Variants in IGFL2 observed in about 807,000 individuals in gnomAD.
IGFL2 encodes the protein insulin growth factor-like family member 2.
Under a neutral mutation model 13.9 loss-of-function variants are expected in IGFL2, and 7 were observed. The ratio of observed to expected loss-of-function variants is 0.51; its 90% CI spans 0.29 to 0.95. The LOEUF (loss-of-function observed/expected upper bound fraction) is 0.95, where lower values mean the gene tolerates loss of function less well. IGFL2 is among the 40% of genes least tolerant of loss of function. IGFL2 has a pLI of 0.08. For missense variants in IGFL2, 138 were observed against 147.8 expected, an observed-to-expected ratio of 0.93 and a Z score of 0.34; for synonymous variants, 55 against 55.8, an observed-to-expected ratio of 0.99 and a Z score of 0.07.
chr19:46,145,977 T>C (rs1052589774), upstream of IGFL2, among the ~76,000 whole-genome samples: 1 of 152,206 alleles, frequency 6.6e-6, no homozygotes, highest in East Asian at 1.9e-4. Flanking sequence ...CAAGTTTAAC[T>C]TTAAAATTTT....
chr19:46,103,910 A>G, the IGFL2 span, among the ~76,000 whole-genome samples: 1 of 152,174 alleles, frequency 6.6e-6, no homozygotes, highest in African/African-American at 2.4e-5. Context: ...TCTGACAGAC[A>G]AAGCTTTATT....
chr19:46,101,070 A>G, the IGFL2 span: 1 of 152,510 alleles, frequency 6.6e-6, no homozygotes, highest in African/African-American at 2.4e-5. Flanking sequence ...AAGCTGGAGA[A>G]CAGCAAAGAT....
intron 1 of IGFL2, among the ~76,000 whole-genome samples, chr19:46,149,250 C>G (rs928803811): frequency 4.7e-5 from 7 of 147,766 alleles, no homozygotes; most frequent in African/African-American, 1.8e-4. Context: ...CTCTCTCTCT[C>G]TTTCTCTTTC....
the IGFL2 span, among the ~76,000 whole-genome samples, chr19:46,125,365 T>C: frequency 1.3e-5 from 2 of 152,190 alleles, no homozygotes; most frequent in African/African-American, 4.8e-5. Flanking sequence ...ATTATATTAG[T>C]GGCCAATGAT....
chr19:46,181,871 T>C, the IGFL2 span, among the ~76,000 whole-genome samples: 1 of 152,224 alleles, frequency 6.6e-6, no homozygotes, highest in South Asian at 2.1e-4. Context: ...GTAGGATTGT[T>C]ACAACCTGAT....
chr19:46,169,749 G>A, the IGFL2 span, among the ~76,000 whole-genome samples: 1 of 151,430 alleles, frequency 6.6e-6, no homozygotes, highest in Non-Finnish European at 1.5e-5. Context: ...TCAGAAGGCT[G>A]AGGCAGGAGA....
the IGFL2 span, among the ~76,000 whole-genome samples, chr19:46,170,816 T>A: frequency 7.2e-5 from 11 of 152,132 alleles, no homozygotes; most frequent in Non-Finnish European, 1.5e-4. Flanking sequence ...CCTGGCGAAT[T>A]CTAGTCAGAC....
chr19:46,153,536 T>C (rs1006405488), intron 1 of IGFL2, among the ~76,000 whole-genome samples: 6 of 152,154 alleles, frequency 3.9e-5, no homozygotes, highest in Non-Finnish European at 8.8e-5. Context: ...GATTCTTTAT[T>C]TTTCCCAGCA....
the IGFL2 span, among the ~76,000 whole-genome samples, chr19:46,182,259 A>G: frequency 6.6e-6 from 1 of 151,836 alleles, no homozygotes; most frequent in African/African-American, 2.4e-5. Flanking sequence ...CCCAGCTACC[A>G]GGAAGCCTGT....
chr19:46,194,861 T>A, the IGFL2 span, among the ~76,000 whole-genome samples: 6,762 of 86,678 alleles, frequency 0.078, 187 homozygotes, highest in Non-Finnish European at 0.13. Context: ...TATTTTTTTT[T>A]TTTTTTTTTT....
intron 1 of IGFL2, among the ~76,000 whole-genome samples, chr19:46,150,783 A>T (rs1973439517): frequency 6.6e-6 from 1 of 152,014 alleles, no homozygotes; most frequent in Non-Finnish European, 1.5e-5. Flanking sequence ...TGATCCTTCC[A>T]CCTCAGCTCC....
the IGFL2 span, among the ~76,000 whole-genome samples, chr19:46,096,424 A>C: frequency 6.6e-6 from 1 of 152,146 alleles, no homozygotes; most frequent in Non-Finnish European, 1.5e-5. Flanking sequence ...TTTTGGGCTG[A>C]GACAATGGGG....
At chr19:46,123,515 A>G in the IGFL2 span, among the ~76,000 whole-genome samples, 2,267 of 150,944 alleles carry the variant, frequency 0.015, 188 homozygotes, top group African/African-American at 0.053. Context: ...CTGCATATAC[A>G]TATACTGTAT....
Position 46,160,441 on chromosome 19 carries a change from C to T in IGFL2, c.46C>T (p.Leu16Phe), listed in dbSNP as rs1257806067. ...FAPAYVSVCLLLLCPREVIAP... is the reference protein window; with the variant it reads ...FAPAYVSVCLFLLCPREVIAP... ...TCCTGCTTATGTGTCAGTCTGTCTC[C>T]TCCTCTTGTGTCCAAGGGAAGTCAT... Residue 16 changes from leucine (L) to phenylalanine (F), a missense_variant, in exon 2 of 4, where the codon CTC becomes TTC. Leu to Phe is a conservative substitution (Grantham distance 22). Coordinates refer to ENST00000377693, the MANE Select transcript of IGFL2 (RefSeq NM_001135113.2). The T allele has an allele frequency of 4.3e-6, 7 of 1,613,658 alleles. No homozygotes were observed. The African/African-American group carries it at 5.3e-5, about 12-fold the overall frequency.
chr19:46,161,283 C>A lies in IGFL2; in HGVS notation c.*195C>A. 1.8e-6 allele frequency: 1 copy of A among 547,366 alleles called. No homozygotes were observed. The allele number at this position is 547,366 out of a possible 1,614,324, so 33.9% of individuals were successfully genotyped here. A position where few individuals can be genotyped will look rare whatever the true frequency, so the allele number is the denominator to read the frequency against. ...CAGGAAATAAATAAAGTGGTTTTTCCAATGTACACACCTGTACCCAATGTC... is the reference window on the plus strand; with the variant it reads ...CAGGAAATAAATAAAGTGGTTTTTCAAATGTACACACCTGTACCCAATGTC... On this transcript the variant is annotated 3_prime_UTR_variant, in exon 4 of 4. Coordinates refer to ENST00000377693, the MANE Select transcript of IGFL2 (RefSeq NM_001135113.2).
chr19:46,129,730 T>G, the IGFL2 span, among the ~76,000 whole-genome samples: 7 of 152,146 alleles, frequency 4.6e-5, no homozygotes, highest in Admixed American at 2.6e-4. Flanking sequence ...AGAGAGTGGT[T>G]GTTATGATTT....
the IGFL2 span, among the ~76,000 whole-genome samples, chr19:46,179,294 TGA>T: frequency 8.7e-6 from 1 of 114,384 alleles, no homozygotes; most frequent in East Asian, 2.6e-4. Context: ...GCGGGGTCTG[TGA>T]GAGGCAGGGC....
chr19:46,144,245 A>G (rs369792850), upstream of IGFL2, among the ~76,000 whole-genome samples: 13 of 152,350 alleles, frequency 8.5e-5, no homozygotes, highest in East Asian at 1.2e-3. Context: ...CCAACTTCAT[A>G]TAATTCATAT....
At chr19:46,137,362 G>A in the IGFL2 span, 1 of 1,124,782 alleles carries the variant, frequency 8.9e-7, no homozygotes, top group Non-Finnish European at 1.4e-6. Flanking sequence ...ACCAGTTACA[G>A]ACCTGTAGTG....
Sources: allele counts gnomAD v4.1 joint callset (sites outside exome capture counted in the v4.1 genomes callset), GRCh38; gene constraint gnomAD v4.1.1; transcripts MANE v1.5; gene names NCBI Gene and HGNC (gene_info 2026-07-23, HGNC 2026-07-21).